Variants in DNAH14 observed in about 807,000 individuals in gnomAD.
DNAH14 encodes dynein axonemal heavy chain 14, also known as axonemal beta dynein heavy chain 14.
In DNAH14, 478 loss-of-function variants were observed where a neutral mutation model predicts 520.9. The observed-to-expected ratio is 0.92, with a 90% CI of 0.85 to 0.99. The LOEUF is 0.99. Ranked by LOEUF, DNAH14 falls within the 50% of genes least tolerant of loss-of-function variation. The pLI is 0.00. For missense variants in DNAH14, 4,831 were observed against 5,234.5 expected (o/e 0.92, Z 2.38); for synonymous variants, 1,581 against 1,757.2 (o/e 0.90, Z 2.51).
intron 13 of DNAH14, among the ~76,000 whole-genome samples, chr1:225,043,329 A>T (rs538226692): frequency 6.6e-6 from 1 of 152,104 alleles, no homozygotes; most frequent in East Asian, 1.9e-4. Flanking sequence ...CAACTGGAAA[A>T]TAACAAATGA....
At chr1:225,170,654 C>G (rs1044734474) in intron 36 of DNAH14, among the ~76,000 whole-genome samples, 1 of 152,074 alleles carries the variant, frequency 6.6e-6, no homozygotes, top group African/African-American at 2.4e-5. Flanking sequence ...ACTTAGACTC[C>G]CACACAATAA....
At chr1:224,996,639 C>G (rs897328504) in intron 8 of DNAH14, among the ~76,000 whole-genome samples, 1 of 151,946 alleles carries the variant, frequency 6.6e-6, no homozygotes, top group Admixed American at 6.6e-5. Context: ...CTGGTGAGAC[C>G]CCGACTGAGC....
intron 45 of DNAH14, 145 bp downstream of exon 45, chr1:225,258,263 A>G (rs1327135626): frequency 2.5e-6 from 2 of 791,390 alleles, no homozygotes; most frequent in African/African-American, 3.7e-5. Context: ...TCTTACCAGC[A>G]GTTTATGAAC....
Position 225,051,490 on chromosome 1 carries a change from C to T in DNAH14, c.2119C>T (p.Leu707=), listed in dbSNP as rs1270657547. The part of the protein sequence containing the change: ...LLTIIGNSMG[L]VNAYSHKFIK... ...GACTATTATTGGTAATTCAATGGGC[C>T]TAGTTAATGCTTACAGCCACAAGTT... The change falls in exon 17 of 86, where the codon CTA becomes TTA. Residue 707 remains leucine, a synonymous_variant. Coordinates refer to ENST00000682510, the MANE Select transcript of DNAH14 (RefSeq NM_001367479.1). The T allele has an allele frequency of 6.5e-7, 1 of 1,537,150 alleles. No individual in the cohort carries two copies. Among genetic ancestry groups the T allele is most frequent in the Admixed American group, 2.1e-5 (1 of 48,600 alleles).
At chr1:225,070,308 CTTGAGATCTTTCTAG>C (rs900981785) in intron 17 of DNAH14, among the ~76,000 whole-genome samples, 4 of 151,966 alleles carry the variant, frequency 2.6e-5, no homozygotes, top group Non-Finnish European at 5.9e-5. Flanking sequence ...AGGTTGTTAA[CTTGAGATCTTTCTAG>C]CTTTTTGATG....
At chr1:224,934,676 G>A (rs1353053210) in intron 1 of DNAH14, among the ~76,000 whole-genome samples, 1 of 151,560 alleles carries the variant, frequency 6.6e-6, no homozygotes, top group East Asian at 1.9e-4. Flanking sequence ...TCAGACACTA[G>A]AGGCTCAGTG....
rs531421607 is a variant in DNAH14 at position 225,324,228 on chromosome 1, G to A, written c.9502G>A (p.Val3168Met). ...TTAACTGTGTTCTCTCTAGGTTTTC[G>A]TGAAGCTAAAAAAAATTGTAACCTT... ...DKDSIPDKVFVKLKKIVTLPD... is the reference protein window; with the variant it reads ...DKDSIPDKVFMKLKKIVTLPD... Residue 3168 changes from valine to methionine, a missense_variant, in exon 63 of 86, where the codon GTG becomes ATG. Coordinates refer to ENST00000682510, the MANE Select transcript of DNAH14 (RefSeq NM_001367479.1). 3.9e-5 allele frequency: 60 copies of A among 1,551,418 alleles called. No homozygotes were observed. The highest frequency in any genetic ancestry group is 4.9e-5 in the Non-Finnish European group (56 of 1,146,956).
At chr1:225,356,423 T>C (rs900330193) in intron 73 of DNAH14, among the ~76,000 whole-genome samples, 2 of 152,212 alleles carry the variant, frequency 1.3e-5, no homozygotes, top group African/African-American at 2.4e-5. Flanking sequence ...TTTGCATCTT[T>C]ATTTTTCTTT....
chr1:225,289,164 T>C (rs990142997), intron 54 of DNAH14, among the ~76,000 whole-genome samples: 1 of 152,152 alleles, frequency 6.6e-6, no homozygotes, highest in East Asian at 1.9e-4. Context: ...TGAAAGAACT[T>C]ATTATGCTAA....
At chr1:225,230,596 G>A (rs2091006949) in intron 41 of DNAH14, among the ~76,000 whole-genome samples, 1 of 152,018 alleles carries the variant, frequency 6.6e-6, no homozygotes, top group South Asian at 2.1e-4. Context: ...GTGGGTAATG[G>A]GAGTGAGAGG....
intron 83 of DNAH14, 116 bp from the exon 84 acceptor site, chr1:225,392,175 T>G: frequency 7.8e-7 from 1 of 1,276,170 alleles, no homozygotes; most frequent in Non-Finnish European, 1.1e-6. Context: ...ATCTCTTTTG[T>G]TCTCTCTTTT....
At chr1:224,971,221 A>G (rs558889690) in intron 7 of DNAH14, among the ~76,000 whole-genome samples, 9 of 152,300 alleles carry the variant, frequency 5.9e-5, no homozygotes, top group African/African-American at 1.2e-4. Flanking sequence ...ATCTAGTTCT[A>G]TAATTTTCTT....
Position 225,364,780 on chromosome 1 carries a change from T to C in DNAH14, c.11988-12T>C, listed in dbSNP as rs1320149676. The stretch of plus-strand genomic sequence containing the variant: ...TTCACATTAAAATATTTATAAATTT[T>C]TTATTTTGCAGTTTTAATAGTCCAA... On this transcript the variant is annotated splice_polypyrimidine_tract_variant and intron_variant, in intron 75 of 85. Coordinates refer to ENST00000682510, the MANE Select transcript of DNAH14 (RefSeq NM_001367479.1). 1.3e-6 allele frequency: 2 copies of C among 1,504,860 alleles called. No individual in the cohort carries two copies. The highest frequency in any genetic ancestry group is 8.9e-7 in the Non-Finnish European group (1 of 1,127,158). 93.2% of individuals were successfully genotyped at this position (1,504,860 alleles called of 1,614,324 possible).
In DNAH14 at chr1:225,080,478, G is replaced by C. The variant is rs1158971326; in HGVS notation, c.2866G>C (p.Ala956Pro). The change falls in exon 19 of 86, where the codon GCT (alanine) becomes CCT (proline). Residue 956 changes from alanine to proline, a missense_variant. Physicochemically the swap from Ala to Pro is conservative, Grantham distance 27. Transcript: ENST00000682510. ...GGAAGCTGCAAGTTTAACTAACAAA[G>C]CTAAAGCATATTCACATTATCAGGA... is the stretch of plus-strand genomic sequence containing the variant. ...SGEAASLTNK[A>P]KAYSHYQDCF... The C allele has an allele frequency of 6.4e-7, 1 of 1,551,748 alleles. No homozygotes were observed. The highest frequency in any genetic ancestry group is 8.7e-7 in the Non-Finnish European group (1 of 1,147,000).
chr1:225,257,825 G>A (rs558071264), intron 44 of DNAH14, 135 bp from the exon 45 acceptor site: 61 of 708,824 alleles, frequency 8.6e-5, no homozygotes, highest in African/African-American at 6.5e-4. Context: ...GTGAGCCACC[G>A]TGCCCAGCCA....
intron 17 of DNAH14, among the ~76,000 whole-genome samples, chr1:225,077,167 G>A (rs2072396842): frequency 6.6e-6 from 1 of 152,154 alleles, no homozygotes; most frequent in Non-Finnish European, 1.5e-5. Flanking sequence ...TACATCTATT[G>A]AGATAATCTT....
chr1:225,392,380 A>G lies in DNAH14; in HGVS notation c.13420A>G (p.Thr4474Ala). Residue 4474 changes from threonine to alanine, a missense_variant, in exon 84 of 86, where the codon ACC (threonine) becomes GCC (alanine). Thr to Ala is a moderately conservative substitution (Grantham distance 58). Coordinates refer to ENST00000682510, the MANE Select transcript of DNAH14 (RefSeq NM_001367479.1). ...CTTCACCCACCATGTGATTTCCAACACCACTGACAAGGATGAGAAGTTCTC... is the reference window on the plus strand; with the variant it reads ...CTTCACCCACCATGTGATTTCCAACGCCACTGACAAGGATGAGAAGTTCTC... ...LTFTHHVISN[T>A]TDKDEKFSVF... The G allele has an allele frequency of 1.3e-6, 2 of 1,552,168 alleles. No individual in the cohort carries two copies. Among genetic ancestry groups the G allele is most frequent in the Non-Finnish European group, 1.7e-6 (2 of 1,147,060 alleles).
chr1:225,358,623 G>A lies in DNAH14; in HGVS notation c.11747G>A (p.Arg3916Lys). The A allele has an allele frequency of 6.5e-7, 1 of 1,548,578 alleles. No individual in the cohort carries two copies. The highest frequency in any genetic ancestry group is 2.4e-5 in the East Asian group (1 of 40,840). Residue 3916 changes from arginine to lysine, a missense_variant, in exon 74 of 86, where the codon AGA (arginine) becomes AAA (lysine). By Grantham distance (26) the Arg-to-Lys change is conservative. Transcript: ENST00000682510. ...GATGCATATAAAGGATCCAATGCCA[G>A]AACTCCGCTGATACTTATTCAAACT... Reference protein sequence around the residue: ...LKDAYKGSNARTPLILIQTHG... With the variant: ...LKDAYKGSNAKTPLILIQTHG...
chr1:225,286,438 AAAAAAT>A (rs1426912511), intron 54 of DNAH14, among the ~76,000 whole-genome samples: 3 of 152,190 alleles, frequency 2.0e-5, no homozygotes, highest in African/African-American at 7.2e-5. Flanking sequence ...CACATCAACT[AAAAAAT>A]AAAAGGAAAA....
Sources: gnomAD v4.1 joint callset for allele counts (sites outside exome capture counted in the v4.1 genomes callset) on GRCh38, gnomAD v4.1.1 for gene constraint, MANE v1.5 for transcripts, NCBI Gene and HGNC (gene_info 2026-07-23, HGNC 2026-07-21) for gene names.